The following CBX8 variants were observed in gnomAD, a reference collection of about 807,000 sequenced individuals.
The protein encoded by CBX8 is chromobox protein homolog 8.
A neutral mutation model predicts 39.7 loss-of-function variants in CBX8; 8 were observed. That is an observed-to-expected ratio of 0.20 (90% CI 0.12 to 0.36). The LOEUF (loss-of-function observed/expected upper bound fraction) is 0.36, where lower values mean the gene tolerates loss of function less well. CBX8 is among the 10% of genes least tolerant of loss of function. The probability of loss-of-function intolerance (pLI) is 1.00; values close to 1 mark genes in which losing one functional copy is unlikely to be tolerated. For synonymous variants in CBX8, 268 were observed against 219.8 expected, an observed-to-expected ratio of 1.22 and a Z score of -1.94; for missense variants, 505 against 529.6, an observed-to-expected ratio of 0.95 and a Z score of 0.46.
In CBX8 at chr17:79,793,020, G is replaced by T. The variant is rs948689373; in HGVS notation, c.*1615C>A. On this transcript the variant is annotated 3_prime_UTR_variant, in exon 5 of 5. Coordinates refer to ENST00000269385, the MANE Select transcript of CBX8 (RefSeq NM_020649.3). Reference sequence around the variant, plus strand: ...GATCTTCGCTGGCCCTTTAAGGGCGGGGAGGGCAGGGAGGCTGCGGGATCC... The same window carrying T: ...GATCTTCGCTGGCCCTTTAAGGGCGTGGAGGGCAGGGAGGCTGCGGGATCC... The T allele has an allele frequency of 6.6e-6, 1 of 152,278 alleles. No individual in the cohort carries two copies. Among genetic ancestry groups the T allele is most frequent in the East Asian group, 1.9e-4 (1 of 5,174 alleles). The allele number at this position is 152,278 out of a possible 1,614,324, so 9.4% of individuals were successfully genotyped here.
Position 79,794,835 on chromosome 17 carries a change from T to C in CBX8, c.970A>G (p.Met324Val). The part of the protein sequence containing the change: ...PSSGGGLYRD[M>V]GAQGGRPSLI... ...GAGGGCCTTCCCCCCTGGGCCCCCATGTCCCGGTACAGGCCCCCCCCAGAG... is the reference window on the plus strand; with the variant it reads ...GAGGGCCTTCCCCCCTGGGCCCCCACGTCCCGGTACAGGCCCCCCCCAGAG... The change falls in exon 5 of 5, where the codon ATG becomes GTG. Residue 324 changes from methionine to valine, a missense_variant. By Grantham distance (21) the Met-to-Val change is conservative (BLOSUM62 1). This residue lies in a region of CBX8 where 456 missense variants were observed against 389.2 expected (regional missense o/e 1.17). Coordinates refer to ENST00000269385, the MANE Select transcript of CBX8 (RefSeq NM_020649.3). 1.2e-6 allele frequency: 2 copies of C among 1,609,538 alleles called. No individual in the cohort carries two copies. Among genetic ancestry groups the C allele is most frequent in the South Asian group, 1.1e-5 (1 of 90,692 alleles).
Position 79,795,421 on chromosome 17 carries a change from A to T in CBX8, c.384T>A (p.Gly128=), listed in dbSNP as rs140346487. The part of the protein sequence containing the change: ...SRAREGLRNM[G]LSPPASSTST... ...TGGTGCTGCTCGCTGGCGGGGACAA[A>T]CCCATGTTTCGAAGGCCCTCCCGGG... The change falls in exon 5 of 5, where the codon GGT becomes GGA. Residue 128 remains glycine (G), a synonymous_variant. Coordinates refer to ENST00000269385, the MANE Select transcript of CBX8 (RefSeq NM_020649.3). This position sits in a 1 kb window ranked among gnomAD's most constrained non-coding sequence, Gnocchi z 5.8. The T allele has an allele frequency of 3.0e-4, 479 of 1,605,492 alleles. 2 individuals carry two copies. In the African/African-American group the frequency reaches 5.2e-3, roughly 17 times the overall value.
intron 1 of CBX8, 65 bp downstream of exon 1, chr17:79,796,840 AAGGGAAGCTGGGCTGCAGCAGGGGG>A (rs1461935722): frequency 2.4e-6 from 3 of 1,237,244 alleles, no homozygotes; most frequent in African/African-American, 1.5e-5. Context: ...GACCTGGGGG[AAGGGAAGCTGGGCTGCAGCAGGGGG>A]AGGGAACCCG....
chr17:79,796,352 G>A, intron 2 of CBX8, 37 bp from the exon 3 acceptor site: 1 of 1,610,840 alleles, frequency 6.2e-7, no homozygotes, highest in Non-Finnish European at 8.5e-7. Flanking sequence ...ATCAGTCCCA[G>A]GAGCAGGGTG....
Position 79,794,554 on chromosome 17 carries a change from C to A in CBX8, c.*81G>T. The stretch of plus-strand genomic sequence containing the variant: ...ACGGGACCAGCCAAAAGGCCACATC[C>A]CACCCAGAAATAAAAATCACTATGC... On this transcript the variant is annotated 3_prime_UTR_variant, in exon 5 of 5. Transcript: ENST00000269385. The A allele has an allele frequency of 8.7e-7, 1 of 1,151,466 alleles. No homozygotes were observed. Among genetic ancestry groups the A allele is most frequent in the Non-Finnish European group, 1.2e-6 (1 of 813,366 alleles). The allele number at this position is 1,151,466 out of a possible 1,614,324, so 71.3% of individuals were successfully genotyped here.
chr17:79,795,080 G>A lies in CBX8; in HGVS notation c.725C>T (p.Pro242Leu), dbSNP rs1568507613. 1 of 1,610,396 alleles carries A rather than the reference G, an allele frequency of 6.2e-7. No homozygotes were observed. Among genetic ancestry groups the A allele is most frequent in the Non-Finnish European group, 8.5e-7 (1 of 1,178,430 alleles). ...CAGCTGGATCACACTGTGGCCGGCT[G>A]GAAACTTTCCTGCCCCGGAAGGGGT... is the stretch of plus-strand genomic sequence containing the variant. ...DDTPSGAGKF[P>L]AGHSVIQLAR... is the part of the protein sequence containing the mutation. The change falls in exon 5 of 5, where the codon CCA becomes CTA. Residue 242 changes from proline to leucine, a missense_variant. Pro to Leu is a moderately conservative substitution (Grantham distance 98). Coordinates refer to ENST00000269385, the MANE Select transcript of CBX8 (RefSeq NM_020649.3). The surrounding 1 kb of genome is among the most constrained non-coding windows in gnomAD (Gnocchi z 5.8).
At position 79,796,273 on chromosome 17, in the gene CBX8, G is replaced by A; in HGVS notation, c.156C>T (p.Arg52=). 1 of 1,614,222 alleles carries A rather than the reference G, an allele frequency of 6.2e-7. No individual in the cohort carries two copies. The highest frequency in any genetic ancestry group is 1.7e-5 in the Admixed American group (1 of 60,024). ...WEPEENILDA[R]LLAAFEERER... ...ACCTTTCCTCAAAGGCTGCGAGCAA[G>A]CGAGCATCCAGGATGTTTTCCTCCG... Residue 52 remains arginine, a synonymous_variant, in exon 3 of 5, where the codon CGC becomes CGT. Coordinates refer to ENST00000269385, the MANE Select transcript of CBX8 (RefSeq NM_020649.3).
rs377217422 is a variant in CBX8 at position 79,796,048 on chromosome 17, C to A, written c.246+9G>T. 5 of 1,613,728 alleles carry A rather than the reference C, an allele frequency of 3.1e-6. No individual in the cohort carries two copies. The African/African-American group carries it at 5.3e-5, about 17-fold the overall frequency. ...CATGGTCCTCCACCATTGGACACTGCCAACCTACTTTGAGGAGGAAGGTTT... is the reference window on the plus strand; with the variant it reads ...CATGGTCCTCCACCATTGGACACTGACAACCTACTTTGAGGAGGAAGGTTT... On this transcript the variant is annotated intron_variant, in intron 4 of 4. Transcript: ENST00000269385.
Position 79,795,139 on chromosome 17 carries a change from G to T in CBX8, c.666C>A (p.Leu222=). 6.2e-7 allele frequency: 1 copy of T among 1,613,500 alleles called. No homozygotes were observed. The highest frequency in any genetic ancestry group is 2.2e-5 in the East Asian group (1 of 44,854). ...GCTTCCTGCCCTTGAGGTACTCTCC[G>T]AGGCCGGCGCTGGGTTCGCCTAAGG... ...QRPLGEPSAG[L]GEYLKGRKLD... is the part of the protein sequence containing the mutation. The change falls in exon 5 of 5, where the codon CTC becomes CTA. Residue 222 remains leucine, a synonymous_variant. Coordinates refer to ENST00000269385, the MANE Select transcript of CBX8 (RefSeq NM_020649.3). This position sits in a 1 kb window ranked among gnomAD's most constrained non-coding sequence, Gnocchi z 5.8.
chr17:79,795,557 G>A lies in CBX8; in HGVS notation c.248C>T (p.Ala83Val), dbSNP rs1006459067. 1.2e-5 allele frequency: 18 copies of A among 1,512,608 alleles called. No homozygotes were observed. Among genetic ancestry groups the A allele is most frequent in the South Asian group, 2.7e-5 (2 of 73,996 alleles). The allele number at this position is 1,512,608 out of a possible 1,614,324, so 93.7% of individuals were successfully genotyped here. ...GPKPKTFLLK[A>V]QAKAKAKTYE... ...AGTTTTGGCCTTTGCCTTGGCCTGCGCCTGCAGGAGAGAAGATGGTCTCAA... is the reference window on the plus strand; with the variant it reads ...AGTTTTGGCCTTTGCCTTGGCCTGCACCTGCAGGAGAGAAGATGGTCTCAA... Residue 83 changes from alanine to valine, a missense_variant and splice_region_variant, in exon 5 of 5, where the codon GCG (alanine) becomes GTG (valine). Ala to Val is a moderately conservative substitution (Grantham distance 64, BLOSUM62 0). This residue lies in a region of CBX8 where 456 missense variants were observed against 389.2 expected (regional missense o/e 1.17). Coordinates refer to ENST00000269385, the MANE Select transcript of CBX8 (RefSeq NM_020649.3). This position sits in a 1 kb window ranked among gnomAD's most constrained non-coding sequence, Gnocchi z 5.8.
rs1254289568 is a variant in CBX8 at position 79,793,204 on chromosome 17, C to G, written c.*1431G>C. On this transcript the variant is annotated 3_prime_UTR_variant, in exon 5 of 5. Coordinates refer to ENST00000269385, the MANE Select transcript of CBX8 (RefSeq NM_020649.3). ...CTCGCACGGCCTTCCCCGCCGCGGC[C>G]GTCCCCACTCCCAACTCCCGCTCCT... 6.6e-6 allele frequency: 1 copy of G among 152,002 alleles called. No homozygotes were observed. Among genetic ancestry groups the G allele is most frequent in the Non-Finnish European group, 1.5e-5 (1 of 67,980 alleles). 9.4% of individuals were successfully genotyped at this position (152,002 alleles called of 1,614,324 possible).
chr17:79,795,346 G>A lies in CBX8; in HGVS notation c.459C>T (p.Asp153=). 1 of 1,589,486 alleles carries A rather than the reference G, an allele frequency of 6.3e-7. No individual in the cohort carries two copies. The highest frequency in any genetic ancestry group is 2.3e-5 in the East Asian group (1 of 43,948). The change falls in exon 5 of 5, where the codon GAC becomes GAT. Residue 153 remains aspartate (D), a synonymous_variant. Transcript: ENST00000269385. The surrounding 1 kb of genome is among the most constrained non-coding windows in gnomAD (Gnocchi z 5.8). ...RAEAPRDRDR[D]RDRDRERDRE... is the part of the protein sequence containing the mutation. ...GATCCCGCTCCCGGTCCCTATCCCGGTCTCGGTCCCGGTCCCGAGGGGCCT... is the reference window on the plus strand; with the variant it reads ...GATCCCGCTCCCGGTCCCTATCCCGATCTCGGTCCCGGTCCCGAGGGGCCT...
In CBX8 at chr17:79,795,229, C is replaced by T. The variant is rs200482020; in HGVS notation, c.576G>A (p.Pro192=). 2.0e-4 allele frequency: 329 copies of T among 1,612,776 alleles called. No homozygotes were observed. The highest frequency in any genetic ancestry group is 2.6e-4 in the Non-Finnish European group (311 of 1,179,628). The part of the protein sequence containing the change: ...TSRVDDKPSS[P]GDSSKKRGPK... ...GGCCTCGCTTCTTCGAGCTGTCCCCCGGTGAGCTGGGCTTGTCATCCACTC... is the reference window on the plus strand; with the variant it reads ...GGCCTCGCTTCTTCGAGCTGTCCCCTGGTGAGCTGGGCTTGTCATCCACTC... The change falls in exon 5 of 5, where the codon CCG becomes CCA. Residue 192 remains proline (P), a synonymous_variant. Coordinates refer to ENST00000269385, the MANE Select transcript of CBX8 (RefSeq NM_020649.3). This position sits in a 1 kb window ranked among gnomAD's most constrained non-coding sequence, Gnocchi z 5.8.
Position 79,795,010 on chromosome 17 carries a change from G to A in CBX8, c.795C>T (p.Ser265=), listed in dbSNP as rs1210647066. 5 of 1,606,918 alleles carry A rather than the reference G, an allele frequency of 3.1e-6. No homozygotes were observed. Among genetic ancestry groups the A allele is most frequent in the Non-Finnish European group, 4.3e-6 (5 of 1,176,310 alleles). The change falls in exon 5 of 5, where the codon AGC becomes AGT. Residue 265 remains serine, a synonymous_variant. Coordinates refer to ENST00000269385, the MANE Select transcript of CBX8 (RefSeq NM_020649.3). This position sits in a 1 kb window ranked among gnomAD's most constrained non-coding sequence, Gnocchi z 5.8. The part of the protein sequence containing the change: ...DSDLVQCGVT[S]PSSAEATGKL... ...TGCCCGTGGCCTCAGCTGAGCTAGGGCTGGTCACACCACACTGCACCAGGT... is the reference window on the plus strand; with the variant it reads ...TGCCCGTGGCCTCAGCTGAGCTAGGACTGGTCACACCACACTGCACCAGGT...
chr17:79,795,930 G>C lies in CBX8; in HGVS notation c.246+127C>G. On this transcript the variant is annotated intron_variant, in intron 4 of 4. Coordinates refer to ENST00000269385, the MANE Select transcript of CBX8 (RefSeq NM_020649.3). This position sits in a 1 kb window ranked among gnomAD's most constrained non-coding sequence, Gnocchi z 5.8. ...TACTGACTTGGTGACATCTTGTCAG[G>C]GAACTCCCTCCTACATTACAAATAG... 1.2e-6 allele frequency: 1 copy of C among 839,928 alleles called. No homozygotes were observed. The highest frequency in any genetic ancestry group is 2.0e-6 in the Non-Finnish European group (1 of 509,164). 52.0% of individuals were successfully genotyped at this position (839,928 alleles called of 1,614,324 possible). A position where few individuals can be genotyped will look rare whatever the true frequency, so the allele number is the denominator to read the frequency against.
chr17:79,796,674 A>G (rs1908105340), intron 1 of CBX8, 134 bp from the exon 2 acceptor site: 1 of 969,842 alleles, frequency 1.0e-6, no homozygotes, highest in African/African-American at 1.6e-5. Context: ...CCGCTGCATC[A>G]CCCCTGCACC....
rs1226664166 is a variant in CBX8, at chr17:79,795,111, C to T, written c.694G>A (p.Asp232Asn). 15 of 1,613,026 alleles carry T rather than the reference C, an allele frequency of 9.3e-6. No individual in the cohort carries two copies. The highest frequency in any genetic ancestry group is 1.2e-5 in the Non-Finnish European group (14 of 1,179,706). ...LGEYLKGRKLDDTPSGAGKFP... is the reference protein window; with the variant it reads ...LGEYLKGRKLNDTPSGAGKFP... ...TTTCCTGCCCCGGAAGGGGTGTCGT[C>T]CAGCTTCCTGCCCTTGAGGTACTCT... Residue 232 changes from aspartate to asparagine, a missense_variant, in exon 5 of 5, where the codon GAC becomes AAC. Transcript: ENST00000269385. The surrounding 1 kb of genome is among the most constrained non-coding windows in gnomAD (Gnocchi z 5.8).
In CBX8 at chr17:79,793,395, C is replaced by T. The variant is rs909561902; in HGVS notation, c.*1240G>A. The T allele has an allele frequency of 2.0e-5, 3 of 152,298 alleles. No homozygotes were observed. The East Asian group carries it at 5.8e-4, about 29-fold the overall frequency. The allele number at this position is 152,298 out of a possible 1,614,324, so 9.4% of individuals were successfully genotyped here. A position where few individuals can be genotyped will look rare whatever the true frequency, so the allele number is the denominator to read the frequency against. On this transcript the variant is annotated 3_prime_UTR_variant, in exon 5 of 5. Coordinates refer to ENST00000269385, the MANE Select transcript of CBX8 (RefSeq NM_020649.3). ...TGGATGAAAACCCCGCCTCGCCCCT[C>T]CTTCCCGTGCCCGGCCGGAGCCGCG...
In CBX8 at chr17:79,795,017, A is replaced by C. The variant is rs1465263345; in HGVS notation, c.788T>G (p.Val263Gly). Residue 263 changes from valine to glycine, a missense_variant, in exon 5 of 5, where the codon GTG (valine) becomes GGG (glycine). Val to Gly is a moderately radical substitution (Grantham distance 109). Around this residue, in one of 3 missense-constraint regions of CBX8, gnomAD observed 456 missense variants for 389.2 expected, o/e 1.17. Coordinates refer to ENST00000269385, the MANE Select transcript of CBX8 (RefSeq NM_020649.3). This position sits in a 1 kb window ranked among gnomAD's most constrained non-coding sequence, Gnocchi z 5.8. The part of the protein sequence containing the change: ...RQDSDLVQCG[V>G]TSPSSAEATG... ...GGCCTCAGCTGAGCTAGGGCTGGTCACACCACACTGCACCAGGTCCGAGTC... is the reference window on the plus strand; with the variant it reads ...GGCCTCAGCTGAGCTAGGGCTGGTCCCACCACACTGCACCAGGTCCGAGTC... The C allele has an allele frequency of 6.2e-7, 1 of 1,607,300 alleles. No individual in the cohort carries two copies.
Sources: gnomAD v4.1 joint callset for allele counts on GRCh38, gnomAD v4.1.1 for gene constraint, gnomAD v4.1.1 regional missense constraint, Gnocchi (gnomAD v3.1) non-coding constraint, MANE v1.5 for transcripts, NCBI Gene and HGNC (gene_info 2026-07-23, HGNC 2026-07-21) for gene names.